Variants in DOCK8 observed in about 807,000 individuals in gnomAD.
The protein encoded by DOCK8 is dedicator of cytokinesis protein 8.
In DOCK8, 141 loss-of-function variants were observed where a neutral mutation model predicts 245.6. The ratio of observed to expected loss-of-function variants is 0.57; its 90% CI spans 0.50 to 0.66. DOCK8 has a LOEUF of 0.66. Among genes scored for constraint, DOCK8 ranks in the 30% least tolerant of loss-of-function variants. The pLI is 0.00. For synonymous variants in DOCK8, 1,168 were observed against 970.2 expected (o/e 1.20, Z -3.79); for missense variants, 2,965 against 2,603.4 (o/e 1.14, Z -3.02).
At chr9:433,498 C>G (rs563464459) in intron 37 of DOCK8, among the ~76,000 whole-genome samples, 1 of 152,324 alleles carries the variant, frequency 6.6e-6, no homozygotes, top group South Asian at 2.1e-4. Context: ...ACATGGAACT[C>G]AAGCTGAGGT....
chr9:401,266 A>C (rs2055086450), intron 26 of DOCK8, among the ~76,000 whole-genome samples: 4 of 152,248 alleles, frequency 2.6e-5, no homozygotes, highest in Admixed American at 2.6e-4. Context: ...AAAAGCAGTG[A>C]CATACAAGCT....
chr9:410,082 C>T (rs2055650756), intron 28 of DOCK8, among the ~76,000 whole-genome samples: 1 of 152,054 alleles, frequency 6.6e-6, no homozygotes, highest in Non-Finnish European at 1.5e-5. Context: ...TAAAATTGAA[C>T]ATCTATGACT....
chr9:372,668 C>T (rs2053345645), intron 18 of DOCK8, among the ~76,000 whole-genome samples: 1 of 152,192 alleles, frequency 6.6e-6, no homozygotes, highest in Non-Finnish European at 1.5e-5. Context: ...TCAGTTGTCA[C>T]AGCCCTCCGG....
intron 4 of DOCK8, among the ~76,000 whole-genome samples, chr9:295,499 A>C (rs796672817): frequency 2.0e-5 from 3 of 152,246 alleles, no homozygotes; most frequent in South Asian, 4.1e-4. Context: ...AGTACCTATC[A>C]GAAAACATAC....
chr9:362,846 G>T (rs2052793197), intron 14 of DOCK8, among the ~76,000 whole-genome samples: 1 of 152,226 alleles, frequency 6.6e-6, no homozygotes, highest in South Asian at 2.1e-4. Context: ...CTTGGGAGAA[G>T]CCAAAGTGAT....
At chr9:287,605 G>A (rs149260351) in intron 3 of DOCK8, among the ~76,000 whole-genome samples, 14 of 152,102 alleles carry the variant, frequency 9.2e-5, no homozygotes, top group African/African-American at 2.7e-4. Context: ...ATTGTGAACC[G>A]TTGCTCTCTT....
chr9:300,412 A>T (rs1315338935), intron 4 of DOCK8, among the ~76,000 whole-genome samples: 1 of 152,190 alleles, frequency 6.6e-6, no homozygotes, highest in Non-Finnish European at 1.5e-5. Context: ...AGGAAATCAA[A>T]CAAAATGGTG....
intron 41 of DOCK8, 26 bp downstream of exon 41, chr9:441,443 T>C: frequency 6.2e-7 from 1 of 1,613,920 alleles, no homozygotes; most frequent in Non-Finnish European, 8.5e-7. Flanking sequence ...GGCTGGCAGG[T>C]CTTGTTACCT....
intron 1 of DOCK8, among the ~76,000 whole-genome samples, chr9:229,015 A>C (rs967098331): frequency 1.3e-5 from 2 of 152,126 alleles, no homozygotes; most frequent in Admixed American, 6.6e-5. Flanking sequence ...ATTCTAAGAG[A>C]AGGAAGGTGG....
intron 29 of DOCK8, among the ~76,000 whole-genome samples, chr9:416,494 C>T (rs1412849619): frequency 1.3e-5 from 2 of 152,104 alleles, no homozygotes; most frequent in African/African-American, 2.4e-5. Context: ...ACCTCAAAGA[C>T]TTCTTTGTAT....
intron 43 of DOCK8, among the ~76,000 whole-genome samples, chr9:445,994 G>A (rs7855741): frequency 0.59 from 90,276 of 152,150 alleles, 29,576 homozygotes; most frequent in East Asian, 0.98. Flanking sequence ...CTTTAGTTCG[G>A]CCATTCATGC....
At chr9:344,040 A>G (rs940165660) in intron 14 of DOCK8, among the ~76,000 whole-genome samples, 2 of 152,206 alleles carry the variant, frequency 1.3e-5, no homozygotes, top group African/African-American at 4.8e-5. Context: ...AATGGACCCA[A>G]CTTGTCATCA....
intron 14 of DOCK8, chr9:340,607 C>A: frequency 3.7e-6 from 1 of 269,064 alleles, no homozygotes; most frequent in Admixed American, 5.0e-5. Flanking sequence ...GGAGACAGAA[C>A]CAGACTCTGT....
At chr9:325,538 A>G (rs775375532) in intron 7 of DOCK8, 133 bp from the exon 8 acceptor site, 2 of 776,670 alleles carry the variant, frequency 2.6e-6, no homozygotes, top group Non-Finnish European at 4.6e-6. Flanking sequence ...TGCGATTCTC[A>G]TATACTTGGA....
At chr9:417,732 G>C (rs1161286410) in intron 29 of DOCK8, among the ~76,000 whole-genome samples, 1 of 152,064 alleles carries the variant, frequency 6.6e-6, no homozygotes, top group Non-Finnish European at 1.5e-5. Flanking sequence ...TGTAATTGTA[G>C]GTGTCTTCTA....
intron 5 of DOCK8, among the ~76,000 whole-genome samples, chr9:308,604 C>T (rs1200071638): frequency 1.3e-5 from 2 of 152,176 alleles, no homozygotes; most frequent in Non-Finnish European, 2.9e-5. Flanking sequence ...TATTGCAAAA[C>T]TTCCTTTTTC....
At chr9:394,548 C>A (rs2054355035) in intron 24 of DOCK8, among the ~76,000 whole-genome samples, 1 of 152,252 alleles carries the variant, frequency 6.6e-6, no homozygotes, top group Admixed American at 6.5e-5. Context: ...TGAACAACCA[C>A]TTTGGCATTA....
chr9:288,669 A>C (rs1586606757), intron 3 of DOCK8, among the ~76,000 whole-genome samples: 1 of 152,292 alleles, frequency 6.6e-6, no homozygotes, highest in African/African-American at 2.4e-5. Context: ...TTACTACTCT[A>C]ACAGCTTTAA....
chr9:226,136 C>T (rs1039376140), intron 1 of DOCK8, among the ~76,000 whole-genome samples: 6 of 152,184 alleles, frequency 3.9e-5, no homozygotes, highest in African/African-American at 1.2e-4. Flanking sequence ...TACAGTTCCA[C>T]ATGGCTGGGG....
Sources: allele counts gnomAD v4.1 joint callset (sites outside exome capture counted in the v4.1 genomes callset), GRCh38; gene constraint gnomAD v4.1.1; transcripts MANE v1.5; gene names NCBI Gene and HGNC (gene_info 2026-07-23, HGNC 2026-07-21).